Variants in IKZF1 observed in about 807,000 individuals in gnomAD.
IKZF1 encodes IKAROS family zinc finger 1.
IKZF1 carries 10 observed loss-of-function variants against 51.7 expected under a neutral mutation model. The observed-to-expected ratio is 0.19, with a 90% CI of 0.12 to 0.33. The LOEUF is 0.33. IKZF1 is among the 10% of genes least tolerant of loss of function. The pLI is 1.00. For synonymous variants in IKZF1, 280 were observed against 282.3 expected, an observed-to-expected ratio of 0.99 and a Z score of 0.08; for missense variants, 484 against 707.5, an observed-to-expected ratio of 0.68 and a Z score of 3.58.
chr7:50,358,058 T>C (rs1804011492), intron 3 of IKZF1, among the ~76,000 whole-genome samples: 1 of 152,152 alleles, frequency 6.6e-6, no homozygotes, highest in Non-Finnish European at 1.5e-5. Context: ...GCAACAGCTG[T>C]GGAACCAGGT....
chr7:50,356,762 C>T (rs1803531029), intron 3 of IKZF1, among the ~76,000 whole-genome samples: 1 of 152,152 alleles, frequency 6.6e-6, no homozygotes, highest in South Asian at 2.1e-4. Context: ...TCTTCTAGGG[C>T]TTTTACAATA....
intron 3 of IKZF1, among the ~76,000 whole-genome samples, chr7:50,359,411 A>G (rs929366033): frequency 7.2e-5 from 11 of 152,252 alleles, no homozygotes; most frequent in African/African-American, 2.4e-4. Flanking sequence ...TGACTCCTGC[A>G]GCCTTCTGCC....
At chr7:50,399,431 T>C (rs1209386340) in intron 7 of IKZF1, among the ~76,000 whole-genome samples, 1 of 151,092 alleles carries the variant, frequency 6.6e-6, no homozygotes, top group Non-Finnish European at 1.5e-5. Flanking sequence ...ATTTAACATA[T>C]CACATATTTT....
chr7:50,381,650 A>G (rs1002579512), intron 4 of IKZF1, among the ~76,000 whole-genome samples: 2 of 152,226 alleles, frequency 1.3e-5, no homozygotes, highest in African/African-American at 4.8e-5. Flanking sequence ...CCCTGAAAGA[A>G]TTCCTTCATA....
chr7:50,317,173 T>C (rs1791786816), intron 1 of IKZF1, among the ~76,000 whole-genome samples: 1 of 152,216 alleles, frequency 6.6e-6, no homozygotes, highest in Non-Finnish European at 1.5e-5. Context: ...AAGTTTTAAG[T>C]CAGCATTCTA....
intron 3 of IKZF1, among the ~76,000 whole-genome samples, chr7:50,359,480 C>G (rs191071806): frequency 6.6e-6 from 1 of 152,206 alleles, no homozygotes; most frequent in African/African-American, 2.4e-5. Flanking sequence ...TCTGACATTC[C>G]GAACAGTGGA....
At chr7:50,365,797 T>A (rs1477207770) in intron 3 of IKZF1, among the ~76,000 whole-genome samples, 8 of 152,132 alleles carry the variant, frequency 5.3e-5, no homozygotes, top group Admixed American at 4.6e-4. Context: ...GGAATATGAG[T>A]CATTCTACCG....
At chr7:50,356,521 C>T (rs1584734816) in intron 3 of IKZF1, among the ~76,000 whole-genome samples, 1 of 152,034 alleles carries the variant, frequency 6.6e-6, no homozygotes, top group South Asian at 2.1e-4. Context: ...TCTGTGTGTA[C>T]ATGTGTGTCT....
rs2153520221 is a variant in IKZF1, at chr7:50,400,811, A to G, written c.*184A>G. The G allele has an allele frequency of 2.6e-6, 2 of 772,874 alleles. No individual in the cohort carries two copies. Among genetic ancestry groups the G allele is most frequent in the South Asian group, 3.8e-5 (2 of 52,266 alleles). 47.9% of individuals were successfully genotyped at this position (772,874 alleles called of 1,614,324 possible). ...TGGGGTTTGATTTGCTTTTGAAAAG[A>G]TTTTTATTTTTAGAGGCAGGGCTGC... On this transcript the variant is annotated 3_prime_UTR_variant, in exon 8 of 8. Transcript: ENST00000331340. The surrounding 1 kb of genome is among the most constrained non-coding windows in gnomAD (Gnocchi z 5.4).
intron 3 of IKZF1, among the ~76,000 whole-genome samples, chr7:50,362,550 C>G (rs922752085): frequency 6.6e-6 from 1 of 152,308 alleles, no homozygotes; most frequent in East Asian, 1.9e-4. Context: ...TAGATGTTAT[C>G]TTTATCTGCG....
In IKZF1 at chr7:50,376,654, C is replaced by T. The variant is rs2153469389; in HGVS notation, c.282C>T (p.Gly94=). 6.2e-7 allele frequency: 1 copy of T among 1,613,974 alleles called. No individual in the cohort carries two copies. The highest frequency in any genetic ancestry group is 1.1e-5 in the South Asian group (1 of 91,072). The part of the protein sequence containing the change: ...MLDASGEKMN[G]SHRDQGSSAL... ...ATGCCTCGGGAGAGAAAATGAATGG[C>T]TCCCACAGGGACCAAGGCAGCTCGG... Residue 94 remains glycine, a synonymous_variant, in exon 4 of 8, where the codon GGC becomes GGT. Transcript: ENST00000331340. The surrounding 1 kb of genome is among the most constrained non-coding windows in gnomAD (Gnocchi z 4.5).
intron 3 of IKZF1, among the ~76,000 whole-genome samples, chr7:50,363,503 C>T (rs1025308974): frequency 2.0e-5 from 3 of 152,094 alleles, no homozygotes; most frequent in African/African-American, 7.2e-5. Context: ...CCCTGGGGAG[C>T]TTAGATGTGA....
intron 3 of IKZF1, among the ~76,000 whole-genome samples, chr7:50,356,502 CTGTG>C (rs1803415339): frequency 6.6e-6 from 1 of 152,028 alleles, no homozygotes; most frequent in Non-Finnish European, 1.5e-5. Context: ...GCCTGTGTTT[CTGTG>C]TGTGTCTGTG....
At chr7:50,316,645 T>C (rs901240035) in intron 1 of IKZF1, among the ~76,000 whole-genome samples, 5 of 152,214 alleles carry the variant, frequency 3.3e-5, no homozygotes, top group Non-Finnish European at 2.9e-5. Flanking sequence ...CAGAGCTTGA[T>C]TTGGGGACCA....
intron 5 of IKZF1, among the ~76,000 whole-genome samples, chr7:50,386,552 C>T (rs767995568): frequency 1.4e-4 from 21 of 151,852 alleles, no homozygotes; most frequent in African/African-American, 4.4e-4. Context: ...TCCATAAGCT[C>T]AGTTTATGAA....
At chr7:50,304,258 G>C (rs568396627), upstream of IKZF1, 6 of 150,306 alleles carry the variant, frequency 4.0e-5, no homozygotes, top group Non-Finnish European at 8.9e-5. Context: ...ACTCGGCGAC[G>C]GGGCGGGGAC....
chr7:50,334,207 TG>T (rs1228252543), intron 3 of IKZF1, among the ~76,000 whole-genome samples: 6 of 152,254 alleles, frequency 3.9e-5, no homozygotes, highest in Non-Finnish European at 7.3e-5. Flanking sequence ...AAGTGACTTT[TG>T]TGCTATATCA....
At chr7:50,310,284 A>G (rs1183462392) in intron 1 of IKZF1, among the ~76,000 whole-genome samples, 1 of 152,220 alleles carries the variant, frequency 6.6e-6, no homozygotes, top group East Asian at 1.9e-4. Context: ...AAGAAATGAA[A>G]TTTGCTAAAA....
intron 2 of IKZF1, among the ~76,000 whole-genome samples, chr7:50,319,770 T>C (rs1403285668): frequency 6.6e-6 from 1 of 152,210 alleles, no homozygotes; most frequent in Non-Finnish European, 1.5e-5. Context: ...TCATGGACTT[T>C]GGGGTTTTCG....
Sources: gnomAD v4.1 joint callset for allele counts (sites outside exome capture counted in the v4.1 genomes callset) on GRCh38, gnomAD v4.1.1 for gene constraint, Gnocchi (gnomAD v3.1) non-coding constraint, MANE v1.5 for transcripts, NCBI Gene and HGNC (gene_info 2026-07-23, HGNC 2026-07-21) for gene names.